Variants in AP2A2 observed in about 807,000 individuals in gnomAD.
The protein encoded by AP2A2 is adaptor related protein complex 2 subunit alpha 2.
AP2A2 carries 32 observed loss-of-function variants against 104.2 expected under a neutral mutation model. That is an observed-to-expected ratio of 0.31 (90% CI 0.23 to 0.41). AP2A2 has a LOEUF of 0.41. Among genes scored for constraint, AP2A2 ranks in the 10% least tolerant of loss-of-function variants. The pLI, the probability that AP2A2 is intolerant of heterozygous loss-of-function variation, is 1.00. For missense variants in AP2A2, 912 were observed against 1,261.0 expected, an observed-to-expected ratio of 0.72 and a Z score of 4.19; for synonymous variants, 539 against 533.3, an observed-to-expected ratio of 1.01 and a Z score of -0.15.
At position 994,216 on chromosome 11, in the gene AP2A2, G is replaced by A. The variant is rs755981655; in HGVS notation, c.1927G>A (p.Glu643Lys). 1.9e-6 allele frequency: 3 copies of A among 1,612,882 alleles called. No homozygotes were observed. The East Asian group carries it at 6.7e-5, about 36-fold the overall frequency. Residue 643 changes from glutamate to lysine, a missense_variant, in exon 14 of 22, where the codon GAG becomes AAG. Transcript: ENST00000448903. ...DRSVDVNGGP[E>K]PAPASTSAVS... is the part of the protein sequence containing the mutation. ...GAGTGTGGACGTGAACGGGGGTCCT[G>A]AGCCTGCCCCAGCCAGTACCAGCGC... is the stretch of plus-strand genomic sequence containing the variant.
chr11:961,120 C>T (rs1164246916), intron 2 of AP2A2, among the ~76,000 whole-genome samples: 2 of 151,888 alleles, frequency 1.3e-5, no homozygotes, highest in Admixed American at 6.6e-5. Flanking sequence ...CTGACAGTCA[C>T]CACCACCAGT....
chr11:948,330 A>G (rs1029373228), intron 1 of AP2A2: 1 of 152,250 alleles, frequency 6.6e-6, no homozygotes, highest in African/African-American at 2.4e-5. Context: ...ATAATTGTGT[A>G]ACAAAATATT....
rs1854701899 is a variant in AP2A2, at chr11:968,470, C to T, written c.137-1699C>T. ...TCCATCCCCGTCCCCATCCCTGTCCCACAAAACTCAGCCCAGTCGGGCCGC... is the reference window on the plus strand; with the variant it reads ...TCCATCCCCGTCCCCATCCCTGTCCTACAAAACTCAGCCCAGTCGGGCCGC... On this transcript the variant is annotated intron_variant, in intron 2 of 21. Coordinates refer to ENST00000448903, the MANE Select transcript of AP2A2 (RefSeq NM_012305.4). This position sits in a 1 kb window ranked among gnomAD's most constrained non-coding sequence, Gnocchi z 4.2. Among the ~76,000 whole-genome samples, 1 of 152,180 alleles carries T rather than the reference C, an allele frequency of 6.6e-6. No homozygotes were observed.
chr11:1,008,320 G>A, intron 18 of AP2A2, 185 bp downstream of exon 18: 3 of 921,900 alleles, frequency 3.3e-6, no homozygotes, highest in Non-Finnish European at 4.6e-6. Context: ...AACAAGGGGA[G>A]GCGGAGCCCT....
chr11:977,003 C>T, intron 4 of AP2A2, 92 bp from the exon 5 acceptor site: 1 of 1,553,906 alleles, frequency 6.4e-7, no homozygotes, highest in Non-Finnish European at 8.7e-7. Context: ...CAGCCCCACC[C>T]CCGCGTCTCC....
intron 1 of AP2A2, among the ~76,000 whole-genome samples, chr11:939,998 C>T (rs1310037888): frequency 6.8e-6 from 1 of 148,054 alleles, no homozygotes; most frequent in African/African-American, 2.5e-5. Context: ...CTCTGTCACC[C>T]AGGCTGTAGT....
At chr11:935,129 C>T (rs1478182170) in intron 1 of AP2A2, among the ~76,000 whole-genome samples, 3 of 150,884 alleles carry the variant, frequency 2.0e-5, no homozygotes. Context: ...TCTCTGCTCA[C>T]TGCAACCTCT....
intron 14 of AP2A2, among the ~76,000 whole-genome samples, chr11:996,407 T>A (rs1294504195): frequency 6.6e-6 from 1 of 152,220 alleles, no homozygotes; most frequent in Non-Finnish European, 1.5e-5. Flanking sequence ...TAAGAGGAAC[T>A]CGCTGAGGGA....
At chr11:934,309 G>A (rs1853384242) in intron 1 of AP2A2, among the ~76,000 whole-genome samples, 2 of 152,000 alleles carry the variant, frequency 1.3e-5, no homozygotes, top group African/African-American at 4.8e-5. Flanking sequence ...TTAAAATTTA[G>A]AGACAGGGTC....
At chr11:957,499 G>T (rs1854277131) in intron 1 of AP2A2, among the ~76,000 whole-genome samples, 1 of 152,224 alleles carries the variant, frequency 6.6e-6, no homozygotes, top group African/African-American at 2.4e-5. Flanking sequence ...AGTCAGACAA[G>T]GTAGGTCAGA....
At chr11:934,895 C>T (rs1853401602) in intron 1 of AP2A2, among the ~76,000 whole-genome samples, 1 of 150,778 alleles carries the variant, frequency 6.6e-6, no homozygotes, top group Non-Finnish European at 1.5e-5. Context: ...GTCTCATTCT[C>T]TCACCCAGGC....
At chr11:938,155 G>T (rs968931685) in intron 1 of AP2A2, among the ~76,000 whole-genome samples, 13 of 152,140 alleles carry the variant, frequency 8.5e-5, no homozygotes, top group African/African-American at 2.7e-4. Flanking sequence ...ACCCTCTGTT[G>T]GGGCCTCTCA....
At chr11:929,266 G>C (rs1412805802) in intron 1 of AP2A2, among the ~76,000 whole-genome samples, 1 of 152,162 alleles carries the variant, frequency 6.6e-6, no homozygotes, top group Non-Finnish European at 1.5e-5. Context: ...CTGTTTTCCT[G>C]TCATGAGAGT....
intron 4 of AP2A2, among the ~76,000 whole-genome samples, chr11:974,854 G>A (rs760276983): frequency 6.6e-6 from 1 of 151,550 alleles, no homozygotes; most frequent in Non-Finnish European, 1.5e-5. Flanking sequence ...GCATGGTGGC[G>A]CCCTCCTGTA....
At chr11:955,912 C>T (rs1179487612) in intron 1 of AP2A2, among the ~76,000 whole-genome samples, 1 of 152,212 alleles carries the variant, frequency 6.6e-6, no homozygotes, top group African/African-American at 2.4e-5. Context: ...CACACCAGGC[C>T]TGGCGGGGCC....
At chr11:963,148 T>A (rs2134582263) in intron 2 of AP2A2, among the ~76,000 whole-genome samples, 1 of 152,250 alleles carries the variant, frequency 6.6e-6, no homozygotes, top group East Asian at 1.9e-4. Flanking sequence ...AAAAACTGGC[T>A]GGCACGATGG....
chr11:1,006,690 T>G (rs1856219582), intron 17 of AP2A2, 73 bp downstream of exon 17: 1 of 1,222,578 alleles, frequency 8.2e-7, no homozygotes, highest in Admixed American at 2.2e-5. Flanking sequence ...TTGAGGAAGT[T>G]TTTTGGTTTT....
At chr11:983,706 A>G (rs1855350756) in intron 6 of AP2A2, among the ~76,000 whole-genome samples, 1 of 152,146 alleles carries the variant, frequency 6.6e-6, no homozygotes, top group African/African-American at 2.4e-5. Flanking sequence ...AACGCTTGAG[A>G]TGAATTTTTG....
At chr11:1,001,125 A>G (rs1367857722) in intron 15 of AP2A2, among the ~76,000 whole-genome samples, 1 of 152,134 alleles carries the variant, frequency 6.6e-6, no homozygotes, top group Non-Finnish European at 1.5e-5. Flanking sequence ...CCCTGAGGGC[A>G]GCCTGTCTTT....
Sources: allele counts gnomAD v4.1 joint callset (sites outside exome capture counted in the v4.1 genomes callset), GRCh38; gene constraint gnomAD v4.1.1; non-coding constraint Gnocchi (gnomAD v3.1); transcripts MANE v1.5; gene names NCBI Gene and HGNC (gene_info 2026-07-23, HGNC 2026-07-21).